Variants in HIVEP3 observed in about 807,000 individuals in gnomAD.
HIVEP3 encodes HIVEP zinc finger 3.
HIVEP3 carries 49 observed loss-of-function variants against 152.8 expected under a neutral mutation model. The observed-to-expected ratio is 0.32, with a 90% confidence interval of 0.26 to 0.41. HIVEP3 has a LOEUF of 0.41. Among genes scored for constraint, HIVEP3 ranks in the 10% least tolerant of loss-of-function variants. The pLI is 1.00. For missense variants in HIVEP3, 2,790 were observed against 3,103.3 expected, an observed-to-expected ratio of 0.90 and a Z score of 2.40; for synonymous variants, 1,269 against 1,289.0, an observed-to-expected ratio of 0.98 and a Z score of 0.33.
chr1:41,997,004 A>G (rs1460799794), intron 1 of HIVEP3, among the ~76,000 whole-genome samples: 1 of 152,196 alleles, frequency 6.6e-6, no homozygotes, highest in African/African-American at 2.4e-5. Flanking sequence ...CCACCCAGAT[A>G]ATCCAGGATA....
chr1:41,731,523 T>G (rs1292537171), intron 1 of HIVEP3, among the ~76,000 whole-genome samples: 1 of 152,218 alleles, frequency 6.6e-6, no homozygotes, highest in Non-Finnish European at 1.5e-5. Flanking sequence ...CAGGATGTCG[T>G]GGGAATGACA....
intron 2 of HIVEP3, among the ~76,000 whole-genome samples, chr1:41,696,773 G>C (rs1646283718): frequency 6.6e-6 from 1 of 152,038 alleles, no homozygotes; most frequent in South Asian, 2.1e-4. Context: ...CTGCGTAACT[G>C]CATAGAAAAA....
intron 5 of HIVEP3, among the ~76,000 whole-genome samples, chr1:41,554,820 G>A (rs1466679193): frequency 1.3e-5 from 2 of 152,212 alleles, no homozygotes; most frequent in Non-Finnish European, 2.9e-5. Context: ...TACCAGCAGA[G>A]GCTGCAGAAC....
In HIVEP3 at chr1:41,946,346, C is replaced by CTTGA. The variant is rs1557533949; in HGVS notation, n.120-27823_120-27822insTCAA. On this transcript the variant is annotated intron_variant and non_coding_transcript_variant, in intron 1 of 3. Coordinates refer to the HIVEP3 transcript ENST00000489103. ...CCAGCCCATGCCATCACCCTCAGAGCCCCGGGTATGTTTGACCATTGAGAG... is the reference window on the plus strand; with the variant it reads ...CCAGCCCATGCCATCACCCTCAGAGCTTGACCCGGGTATGTTTGACCATTGAGAG... 1.1e-4 allele frequency among the ~76,000 whole-genome samples: 17 copies of CTTGA among 152,280 alleles called. No individual in the cohort carries two copies. In the South Asian group the frequency reaches 3.5e-3, roughly 32 times the overall value.
chr1:41,985,707 T>A (rs1288241718), intron 1 of HIVEP3, among the ~76,000 whole-genome samples: 1 of 152,182 alleles, frequency 6.6e-6, no homozygotes, highest in Non-Finnish European at 1.5e-5. Context: ...CTCCTGTTTG[T>A]CAGATCTGGG....
At chr1:41,725,325 C>T (rs1407867013) in intron 1 of HIVEP3, among the ~76,000 whole-genome samples, 1 of 152,222 alleles carries the variant, frequency 6.6e-6, no homozygotes, top group Non-Finnish European at 1.5e-5. Flanking sequence ...CTCCCAGTCA[C>T]AGGGACAAGG....
chr1:41,975,400 A>T (rs1645253835), intron 1 of HIVEP3, among the ~76,000 whole-genome samples: 1 of 152,200 alleles, frequency 6.6e-6, no homozygotes, highest in African/African-American at 2.4e-5. Flanking sequence ...GTAAGAATGC[A>T]GCAGGAATGC....
At chr1:41,815,360 T>C (rs1468388307) in intron 1 of HIVEP3, among the ~76,000 whole-genome samples, 2 of 152,136 alleles carry the variant, frequency 1.3e-5, no homozygotes, top group South Asian at 2.1e-4. Context: ...CAGCCCCAGC[T>C]ATTCAGGAGG....
chr1:41,605,465 A>C (rs1644810160), intron 3 of HIVEP3, among the ~76,000 whole-genome samples: 1 of 152,186 alleles, frequency 6.6e-6, no homozygotes, highest in East Asian at 1.9e-4. Context: ...GTTTGTGTAC[A>C]TAACTGTATG....
chr1:41,711,794 C>T (rs773023344), intron 1 of HIVEP3, among the ~76,000 whole-genome samples: 7 of 152,070 alleles, frequency 4.6e-5, no homozygotes, highest in South Asian at 2.1e-4. Context: ...GGCAGGGGCC[C>T]GAGCACACTC....
chr1:41,788,147 CA>C (rs1441772912), intron 1 of HIVEP3, among the ~76,000 whole-genome samples: 1 of 152,180 alleles, frequency 6.6e-6, no homozygotes, highest in East Asian at 1.9e-4. Context: ...ACTATCCAGA[CA>C]ACCCACCGCA....
At chr1:41,712,693 A>G (rs893335424) in intron 1 of HIVEP3, among the ~76,000 whole-genome samples, 2 of 152,172 alleles carry the variant, frequency 1.3e-5, no homozygotes, top group Admixed American at 6.5e-5. Context: ...CAGAGCCACA[A>G]CCTGTCCCAG....
chr1:41,513,390 G>A lies in HIVEP3; in HGVS notation c.5831C>T (p.Pro1944Leu), dbSNP rs761785445. The change falls in exon 8 of 9, where the codon CCG (proline) becomes CTG (leucine). Residue 1944 changes from proline (P) to leucine (L), a missense_variant. Transcript: ENST00000372583. ...QSMPGLPWLGPAPLGSVEKDT... is the reference protein window; with the variant it reads ...QSMPGLPWLGLAPLGSVEKDT... ...TTTCTCCACAGAGCCCAGAGGGGCC[G>A]GTCCCAGCCAGGGGAGGCCCGGCAT... The A allele has an allele frequency of 1.3e-5, 21 of 1,611,674 alleles. No homozygotes were observed. The highest frequency in any genetic ancestry group is 3.3e-4 in the Middle Eastern group (2 of 6,078).
chr1:41,698,565 T>C (rs1646312072), intron 2 of HIVEP3, among the ~76,000 whole-genome samples: 1 of 152,206 alleles, frequency 6.6e-6, no homozygotes, highest in African/African-American at 2.4e-5. Flanking sequence ...AGCTGTGTGC[T>C]AAGCTTCCAT....
At chr1:42,027,420 A>T (rs1645588293) in intron 1 of HIVEP3, among the ~76,000 whole-genome samples, 2 of 152,208 alleles carry the variant, frequency 1.3e-5, no homozygotes, top group Admixed American at 6.5e-5. Flanking sequence ...AAGCTAGATC[A>T]TGTCACCTGT....
intron 5 of HIVEP3, among the ~76,000 whole-genome samples, chr1:41,548,828 C>T (rs1425342833): frequency 4.6e-5 from 7 of 152,132 alleles, no homozygotes; most frequent in African/African-American, 9.7e-5. Flanking sequence ...TGCACCACTG[C>T]GCCCAGCCCT....
chr1:41,837,541 GT>G (rs1350276849), intron 1 of HIVEP3, among the ~76,000 whole-genome samples: 1 of 152,072 alleles, frequency 6.6e-6, no homozygotes, highest in African/African-American at 2.4e-5. Context: ...GGTCAGGCTG[GT>G]CTCCAACTCC....
intron 1 of HIVEP3, among the ~76,000 whole-genome samples, chr1:41,803,181 G>A (rs1016354597): frequency 6.6e-6 from 1 of 152,246 alleles, no homozygotes; most frequent in Non-Finnish European, 1.5e-5. Flanking sequence ...CTCAAAAATA[G>A]AACAGACAAA....
chr1:41,840,163 G>A (rs1310335370), intron 1 of HIVEP3, among the ~76,000 whole-genome samples: 3 of 152,140 alleles, frequency 2.0e-5, no homozygotes, highest in Non-Finnish European at 4.4e-5. Flanking sequence ...TGAAAAACCC[G>A]GACTGGGTTG....
Sources: allele counts gnomAD v4.1 joint callset (sites outside exome capture counted in the v4.1 genomes callset), GRCh38; gene constraint gnomAD v4.1.1; transcripts MANE v1.5; gene names NCBI Gene and HGNC (gene_info 2026-07-23, HGNC 2026-07-21).